Variants in ABCC4 observed in about 807,000 individuals in gnomAD.
ABCC4 encodes ATP binding cassette subfamily C member 4 (PEL blood group).
ABCC4 carries 102 observed loss-of-function variants against 168.5 expected under a neutral mutation model. The ratio of observed to expected loss-of-function variants is 0.61; its 90% CI spans 0.52 to 0.71. The LOEUF is 0.71. Ranked by LOEUF, ABCC4 falls within the 30% of genes least tolerant of loss-of-function variation. ABCC4 has a pLI of 0.00. For missense variants in ABCC4, 1,402 were observed against 1,605.8 expected (o/e 0.87, Z 2.17); for synonymous variants, 617 against 590.7 (o/e 1.04, Z -0.65).
At chr13:95,075,946 TAC>T (rs1462791195) in intron 21 of ABCC4, among the ~76,000 whole-genome samples, 7 of 152,162 alleles carry the variant, frequency 4.6e-5, no homozygotes, top group Non-Finnish European at 1.0e-4. Flanking sequence ...CTGTTAAGAG[TAC>T]TCACCATACT....
chr13:95,075,812 A>C, intron 21 of ABCC4: 1 of 365,088 alleles, frequency 2.7e-6, no homozygotes, highest in Non-Finnish European at 4.9e-6. Context: ...TCTAGTTATA[A>C]TTCTTTCCTT....
chr13:95,134,205 G>A (rs2036067183), intron 19 of ABCC4, among the ~76,000 whole-genome samples: 1 of 151,950 alleles, frequency 6.6e-6, no homozygotes, highest in Non-Finnish European at 1.5e-5. Context: ...AGGAGGAGGG[G>A]GAAATGCCAA....
chr13:95,243,083 G>A (rs1188279559), intron 3 of ABCC4, among the ~76,000 whole-genome samples: 2 of 152,196 alleles, frequency 1.3e-5, no homozygotes, highest in African/African-American at 4.8e-5. Context: ...AGATATTGGT[G>A]TAAACACAGG....
chr13:95,249,988 C>G (rs2040212925), intron 1 of ABCC4, among the ~76,000 whole-genome samples: 2 of 152,174 alleles, frequency 1.3e-5, no homozygotes. Context: ...TCAGTAAGGA[C>G]TTAACAAGGA....
At chr13:95,122,827 C>CA (rs4148517) in intron 19 of ABCC4, among the ~76,000 whole-genome samples, 67,821 of 152,022 alleles carry the variant, frequency 0.45, 16,906 homozygotes, top group South Asian at 0.69. Flanking sequence ...AAACCCTCCG[C>CA]AGCTAGGGAA....
chr13:95,130,755 T>C (rs1416388896), intron 19 of ABCC4, among the ~76,000 whole-genome samples: 1 of 152,144 alleles, frequency 6.6e-6, no homozygotes, highest in Admixed American at 6.5e-5. Flanking sequence ...TTGGTTGCGA[T>C]GGAGAATGTA....
chr13:95,231,439 G>A lies in ABCC4; in HGVS notation c.531+3171C>T, dbSNP rs181581103. On this transcript the variant is annotated intron_variant, in intron 4 of 30. Coordinates refer to ENST00000645237, the MANE Select transcript of ABCC4 (RefSeq NM_005845.5). ...ATACCAAATGTCGACGACGGGCTCG[G>A]CAGTCATTCCATTTGCAACAGCCAA... is the stretch of plus-strand genomic sequence containing the variant. Among the ~76,000 whole-genome samples the A allele has an allele frequency of 1.4e-4, 21 of 152,280 alleles. No individual in the cohort carries two copies. In the East Asian group the frequency reaches 4.1e-3, roughly 29 times the overall value.
At chr13:95,027,888 AG>A (rs2031626660) in intron 30 of ABCC4, among the ~76,000 whole-genome samples, 1 of 152,200 alleles carries the variant, frequency 6.6e-6, no homozygotes, top group South Asian at 2.1e-4. Flanking sequence ...TTAAAAACAA[AG>A]GCTAAGATTA....
chr13:95,155,269 G>C (rs915800857), intron 19 of ABCC4, among the ~76,000 whole-genome samples: 1 of 151,534 alleles, frequency 6.6e-6, no homozygotes, highest in African/African-American at 2.4e-5. Flanking sequence ...GCTCACTGCA[G>C]TCTTGACCTC....
chr13:95,064,188 G>C (rs2033405363), intron 25 of ABCC4, among the ~76,000 whole-genome samples: 1 of 148,940 alleles, frequency 6.7e-6, no homozygotes, highest in Admixed American at 6.8e-5. Context: ...TCTACCTTAT[G>C]GTAAATCCTA....
At chr13:95,096,759 G>A (rs1007276940) in intron 20 of ABCC4, among the ~76,000 whole-genome samples, 5 of 152,166 alleles carry the variant, frequency 3.3e-5, no homozygotes, top group Admixed American at 2.6e-4. Context: ...GCTCAGATGG[G>A]CAAAAGCTAG....
At chr13:95,041,055 A>C (rs961554626) in intron 29 of ABCC4, among the ~76,000 whole-genome samples, 2 of 152,262 alleles carry the variant, frequency 1.3e-5, no homozygotes, top group African/African-American at 4.8e-5. Flanking sequence ...GGTCACAAGT[A>C]ACCAGCTAAT....
chr13:95,123,026 C>G (rs749542928), intron 19 of ABCC4, among the ~76,000 whole-genome samples: 24 of 152,148 alleles, frequency 1.6e-4, no homozygotes, highest in African/African-American at 4.8e-4. Context: ...AAATGAGTTT[C>G]AAAAGTATGT....
intron 4 of ABCC4, among the ~76,000 whole-genome samples, chr13:95,213,858 A>T (rs1022466834): frequency 3.3e-5 from 5 of 152,152 alleles, no homozygotes; most frequent in Non-Finnish European, 7.3e-5. Flanking sequence ...GACTCCCTAT[A>T]GTATATCGAT....
intron 4 of ABCC4, among the ~76,000 whole-genome samples, chr13:95,218,766 G>A (rs185713430): frequency 4.2e-4 from 63 of 151,684 alleles, no homozygotes; most frequent in African/African-American, 1.5e-3. Context: ...TGGAAAGATC[G>A]CTTGAGCCCA....
chr13:95,106,777 T>TCTG (rs1418883972), intron 20 of ABCC4, among the ~76,000 whole-genome samples: 2 of 152,134 alleles, frequency 1.3e-5, no homozygotes, highest in African/African-American at 4.8e-5. Flanking sequence ...ATCATGGCTG[T>TCTG]TTGGGAACAA....
At chr13:95,200,867 C>A (rs957629644) in intron 8 of ABCC4, among the ~76,000 whole-genome samples, 1 of 152,054 alleles carries the variant, frequency 6.6e-6, no homozygotes, top group Non-Finnish European at 1.5e-5. Context: ...GTTACAGGAA[C>A]CATCCAGGTT....
chr13:95,047,886 T>C (rs1316286290), intron 27 of ABCC4, among the ~76,000 whole-genome samples: 1 of 152,220 alleles, frequency 6.6e-6, no homozygotes, highest in Non-Finnish European at 1.5e-5. Context: ...TGCATTTTCT[T>C]ATTTTCTATC....
At chr13:95,241,366 G>GGA (rs5805915) in intron 3 of ABCC4, among the ~76,000 whole-genome samples, 1 of 145,338 alleles carries the variant, frequency 6.9e-6, no homozygotes, top group African/African-American at 2.6e-5. Context: ...TCCATCTCAG[G>GGA]AAAAAAAAAA....
Sources: allele counts gnomAD v4.1 joint callset (sites outside exome capture counted in the v4.1 genomes callset), GRCh38; gene constraint gnomAD v4.1.1; transcripts MANE v1.5; gene names NCBI Gene and HGNC (gene_info 2026-07-23, HGNC 2026-07-21).